The following SCAPER variants were observed in gnomAD, a reference collection of about 807,000 sequenced individuals.
The protein encoded by SCAPER is S-phase cyclin A associated protein in the ER.
Under a neutral mutation model 182.2 loss-of-function variants are expected in SCAPER, and 98 were observed. That is an observed-to-expected ratio of 0.54 (90% CI 0.46 to 0.64). SCAPER has a LOEUF of 0.64. Ranked by LOEUF, SCAPER falls within the 30% of genes least tolerant of loss-of-function variation. SCAPER has a pLI of 0.00. For missense variants in SCAPER, 1,432 were observed against 1,690.0 expected (o/e 0.85, Z 2.68); for synonymous variants, 605 against 564.6 (o/e 1.07, Z -1.01).
intron 21 of SCAPER, among the ~76,000 whole-genome samples, chr15:76,634,212 C>T (rs1567657383): frequency 1.3e-5 from 2 of 152,210 alleles, no homozygotes; most frequent in Non-Finnish European, 2.9e-5. Flanking sequence ...CTCACTGCCT[C>T]CCTTGCCTGG....
intron 21 of SCAPER, among the ~76,000 whole-genome samples, chr15:76,637,639 A>G (rs2053714000): frequency 6.6e-6 from 1 of 151,304 alleles, no homozygotes; most frequent in East Asian, 1.9e-4. Flanking sequence ...CAAGTTGTTC[A>G]AGATTACAGT....
chr15:76,826,573 A>T (rs1019069055), intron 5 of SCAPER, among the ~76,000 whole-genome samples: 32 of 147,980 alleles, frequency 2.2e-4, no homozygotes, highest in Admixed American at 8.0e-4. Context: ...AATAATTAAA[A>T]AAAAAAAAAA....
chr15:76,836,599 A>C (rs1458297509), intron 5 of SCAPER, among the ~76,000 whole-genome samples: 1 of 152,206 alleles, frequency 6.6e-6, no homozygotes, highest in African/African-American at 2.4e-5. Flanking sequence ...TAGGCTGGGC[A>C]CGGTGGCTCA....
intron 15 of SCAPER, among the ~76,000 whole-genome samples, chr15:76,750,653 G>GA (rs1334978079): frequency 6.6e-6 from 1 of 151,494 alleles, no homozygotes; most frequent in Non-Finnish European, 1.5e-5. Flanking sequence ...AATTAAAGAG[G>GA]AAAAAAACAC....
chr15:76,580,148 T>C (rs1008653814), intron 22 of SCAPER, among the ~76,000 whole-genome samples: 1 of 151,826 alleles, frequency 6.6e-6, no homozygotes, highest in Non-Finnish European at 1.5e-5. Context: ...ACACTGGATT[T>C]AATCTACACC....
At chr15:76,876,092 C>T (rs372375130) in intron 2 of SCAPER, among the ~76,000 whole-genome samples, 34 of 152,320 alleles carry the variant, frequency 2.2e-4, no homozygotes, top group African/African-American at 6.3e-4. Flanking sequence ...CCTCACTGCC[C>T]GGGGCCACTC....
intron 22 of SCAPER, among the ~76,000 whole-genome samples, chr15:76,578,398 C>A (rs374938597): frequency 6.6e-6 from 1 of 152,180 alleles, no homozygotes; most frequent in South Asian, 2.1e-4. Context: ...GCGCCTTGGG[C>A]GAGACACAGT....
At chr15:76,745,640 C>T (rs545702404) in intron 15 of SCAPER, among the ~76,000 whole-genome samples, 1 of 152,124 alleles carries the variant, frequency 6.6e-6, no homozygotes, top group South Asian at 2.1e-4. Flanking sequence ...TAAAGATAGC[C>T]AGGAGTTGAC....
At chr15:76,801,567 A>G (rs1318327111) in intron 6 of SCAPER, among the ~76,000 whole-genome samples, 2 of 152,196 alleles carry the variant, frequency 1.3e-5, no homozygotes, top group Non-Finnish European at 2.9e-5. Flanking sequence ...ACTGCTTTCC[A>G]TATATAAGTG....
At position 76,804,645 on chromosome 15, in the gene SCAPER, A is replaced by G. The variant is rs7163694; in HGVS notation, c.394-12T>C. Reference sequence around the variant, plus strand: ...ATCATTAGCACCTCCTAAAAGAAACAAAACAAAAAAAAATTAAATTCCAGT... The same window carrying G: ...ATCATTAGCACCTCCTAAAAGAAACGAAACAAAAAAAAATTAAATTCCAGT... On this transcript the variant is annotated splice_polypyrimidine_tract_variant and intron_variant, in intron 5 of 31. Transcript: ENST00000563290. The G allele has an allele frequency of 6.5e-7, 1 of 1,538,592 alleles. No individual in the cohort carries two copies. Among genetic ancestry groups the G allele is most frequent in the South Asian group, 1.2e-5 (1 of 82,518 alleles).
chr15:76,654,724 G>A (rs1298206331), intron 21 of SCAPER, among the ~76,000 whole-genome samples: 1 of 152,202 alleles, frequency 6.6e-6, no homozygotes, highest in Non-Finnish European at 1.5e-5. Flanking sequence ...ACAAGTCCCT[G>A]ACTCAGGCAT....
intron 23 of SCAPER, among the ~76,000 whole-genome samples, chr15:76,526,629 TC>T (rs748453901): frequency 6.6e-6 from 1 of 152,136 alleles, no homozygotes; most frequent in Non-Finnish European, 1.5e-5. Context: ...TAAGATATAG[TC>T]CTTAATATTA....
At chr15:76,765,157 T>C in intron 13 of SCAPER, 85 bp from the exon 14 acceptor site, 1 of 1,138,144 alleles carries the variant, frequency 8.8e-7, no homozygotes, top group East Asian at 2.6e-5. Context: ...TCATAGTTCT[T>C]AAAGTATACA....
At chr15:76,685,728 G>C (rs1348939020) in intron 20 of SCAPER, among the ~76,000 whole-genome samples, 1 of 151,966 alleles carries the variant, frequency 6.6e-6, no homozygotes, top group East Asian at 1.9e-4. Flanking sequence ...TGAGTAAAAG[G>C]ACAAGAAGCC....
intron 24 of SCAPER, among the ~76,000 whole-genome samples, chr15:76,482,781 A>G (rs1351196912): frequency 6.6e-6 from 1 of 152,192 alleles, no homozygotes; most frequent in Non-Finnish European, 1.5e-5. Context: ...ATTCAAGTAT[A>G]AATCTAACAA....
In SCAPER at chr15:76,403,136, G is replaced by C. The variant is rs148960380; in HGVS notation, c.3467+1388C>G. 8.5e-5 allele frequency among the ~76,000 whole-genome samples: 13 copies of C among 152,342 alleles called. No homozygotes were observed. The East Asian group carries it at 1.4e-3, about 16-fold the overall frequency. On this transcript the variant is annotated intron_variant, in intron 27 of 31. Transcript: ENST00000563290. ...GGGTCAGCACAGGTCTCCTGCCTGA[G>C]AGGACACCTCCATGGAGGGGCCTGG...
intron 17 of SCAPER, among the ~76,000 whole-genome samples, chr15:76,719,009 A>G (rs920596654): frequency 2.0e-5 from 3 of 152,160 alleles, no homozygotes; most frequent in Non-Finnish European, 4.4e-5. Context: ...AAGAAATTTA[A>G]AATAGAACTA....
intron 4 of SCAPER, 95 bp from the exon 5 acceptor site, chr15:76,842,026 T>A: frequency 1.9e-6 from 2 of 1,080,142 alleles, no homozygotes; most frequent in South Asian, 1.6e-5. Context: ...AAATCAAAAC[T>A]ACTCCAGAAA....
At chr15:76,546,557 C>T (rs978983060) in intron 23 of SCAPER, among the ~76,000 whole-genome samples, 1 of 152,014 alleles carries the variant, frequency 6.6e-6, no homozygotes, top group Non-Finnish European at 1.5e-5. Flanking sequence ...CACCCAATCC[C>T]AATTTCCTAC....
Sources: gnomAD v4.1 joint callset for allele counts (sites outside exome capture counted in the v4.1 genomes callset) on GRCh38, gnomAD v4.1.1 for gene constraint, MANE v1.5 for transcripts, NCBI Gene and HGNC (gene_info 2026-07-23, HGNC 2026-07-21) for gene names.